The following FAR2 variants were observed in gnomAD, a reference collection of about 807,000 sequenced individuals.
FAR2 encodes the protein epididymis secretory protein Li 81.
In FAR2, 19 loss-of-function variants were observed where a neutral mutation model predicts 56.0. The observed-to-expected ratio is 0.34, with a 90% confidence interval of 0.24 to 0.50. The LOEUF (loss-of-function observed/expected upper bound fraction) is 0.50. Ranked by LOEUF, FAR2 falls within the 20% of genes least tolerant of loss-of-function variation. FAR2 has a pLI of 0.98. For synonymous variants in FAR2, 219 were observed against 218.8 expected, an observed-to-expected ratio of 1.00 and a Z score of -0.01; for missense variants, 508 against 642.2, an observed-to-expected ratio of 0.79 and a Z score of 2.26.
intron 1 of FAR2, among the ~76,000 whole-genome samples, chr12:29,262,194 T>A (rs150809289): frequency 6.6e-6 from 1 of 150,460 alleles, no homozygotes; most frequent in East Asian, 2.0e-4. Context: ...TTTTATTAGT[T>A]TTCTTTTTGT....
rs765241668 is a variant in FAR2, at chr12:29,333,679, C to T, written c.1433C>T (p.Ala478Val). The T allele has an allele frequency of 6.8e-6, 11 of 1,613,850 alleles. No individual in the cohort carries two copies. Among genetic ancestry groups the T allele is most frequent in the Admixed American group, 3.3e-5 (2 of 60,004 alleles). The change falls in exon 12 of 12, where the codon GCC becomes GTC. Residue 478 changes from alanine to valine, a missense_variant. Coordinates refer to ENST00000536681, the MANE Select transcript of FAR2 (RefSeq NM_001271783.2). ...TTTAATACTGCCCTCTTCCTTATCG[C>T]CTGGCGCCTTCTCATTGCAAGATCT... is the stretch of plus-strand genomic sequence containing the variant. ...YLFNTALFLI[A>V]WRLLIARSQM...
chr12:29,164,731 G>A (rs1949810827), intron 1 of FAR2, among the ~76,000 whole-genome samples: 1 of 152,320 alleles, frequency 6.6e-6, no homozygotes, highest in Non-Finnish European at 1.5e-5. Flanking sequence ...CTAGTTGCAT[G>A]ACTTTGACGA....
intron 1 of FAR2, among the ~76,000 whole-genome samples, chr12:29,211,419 T>C (rs748098340): frequency 1.3e-5 from 2 of 152,232 alleles, no homozygotes; most frequent in African/African-American, 2.4e-5. Flanking sequence ...GAAATGCATA[T>C]ACATTATTAT....
chr12:29,252,975 T>C (rs1422635247), intron 1 of FAR2, among the ~76,000 whole-genome samples: 1 of 152,090 alleles, frequency 6.6e-6, no homozygotes, highest in Non-Finnish European at 1.5e-5. Flanking sequence ...GTGGGCCTCA[T>C]CCAATCTGTT....
chr12:29,217,923 T>C (rs910334004), intron 1 of FAR2, among the ~76,000 whole-genome samples: 9 of 150,216 alleles, frequency 6.0e-5, no homozygotes, highest in African/African-American at 2.2e-4. Context: ...AAAAGAAACA[T>C]AAAATGAACT....
At chr12:29,264,291 A>C (rs1948474843) in intron 1 of FAR2, among the ~76,000 whole-genome samples, 1 of 152,056 alleles carries the variant, frequency 6.6e-6, no homozygotes, top group East Asian at 1.9e-4. Context: ...TGATAAAAAC[A>C]CTCAAAAAAC....
intron 1 of FAR2, among the ~76,000 whole-genome samples, chr12:29,198,993 G>A (rs555462836): frequency 6.6e-6 from 1 of 152,252 alleles, no homozygotes; most frequent in South Asian, 2.1e-4. Flanking sequence ...TGTTCTCAAT[G>A]TACTTAAAGT....
intron 10 of FAR2, 36 bp downstream of exon 10, chr12:29,321,960 C>T (rs1949560139): frequency 2.5e-6 from 4 of 1,580,960 alleles, no homozygotes; most frequent in Non-Finnish European, 3.4e-6. Flanking sequence ...CAGGAAAATG[C>T]TACTCACTTG....
intron 1 of FAR2, among the ~76,000 whole-genome samples, chr12:29,214,775 T>G (rs138230994): frequency 2.0e-5 from 3 of 151,714 alleles, no homozygotes; most frequent in African/African-American, 7.3e-5. Context: ...GAGCCAAGAT[T>G]GCACCATTGC....
intron 1 of FAR2, among the ~76,000 whole-genome samples, chr12:29,212,861 C>A (rs144497622): frequency 2.6e-3 from 403 of 152,278 alleles, no homozygotes; most frequent in African/African-American, 9.2e-3. Context: ...AGCTGAATGC[C>A]CTTGGGCATG....
At chr12:29,324,055 G>C (rs1339068436) in intron 10 of FAR2, among the ~76,000 whole-genome samples, 1 of 152,204 alleles carries the variant, frequency 6.6e-6, no homozygotes, top group African/African-American at 2.4e-5. Context: ...GTCCTTAAAG[G>C]AGCTGATGGA....
chr12:29,200,234 AGT>A (rs978226462), intron 1 of FAR2, among the ~76,000 whole-genome samples: 20 of 152,194 alleles, frequency 1.3e-4, no homozygotes, highest in Admixed American at 6.5e-4. Context: ...TGAAGATTAC[AGT>A]GTGAATGGTA....
chr12:29,198,583 A>G (rs1323585472), intron 1 of FAR2, among the ~76,000 whole-genome samples: 1 of 152,140 alleles, frequency 6.6e-6, no homozygotes, highest in East Asian at 1.9e-4. Flanking sequence ...GTTTATCAGT[A>G]ATGTTCATAG....
chr12:29,157,443 C>A (rs1330958948), intron 1 of FAR2, among the ~76,000 whole-genome samples: 1 of 151,906 alleles, frequency 6.6e-6, no homozygotes, highest in African/African-American at 2.4e-5. Context: ...AACATTGAAG[C>A]CCACACCTGA....
At position 29,316,968 on chromosome 12, in the gene FAR2, C is replaced by T; in HGVS notation, c.1083C>T (p.Ala361=). Reference sequence around the variant, plus strand: ...ATGCGGTCAGCCACCGGGCCCCTGCCATTATCTATGACTGCTATCTGCGGC... The same window carrying T: ...ATGCGGTCAGCCACCGGGCCCCTGCTATTATCTATGACTGCTATCTGCGGC... ...YWNAVSHRAP[A]IIYDCYLRLT... The change falls in exon 9 of 12, where the codon GCC becomes GCT. Residue 361 remains alanine (A), a synonymous_variant. Coordinates refer to ENST00000536681, the MANE Select transcript of FAR2 (RefSeq NM_001271783.2). The T allele has an allele frequency of 6.2e-7, 1 of 1,614,000 alleles. No individual in the cohort carries two copies. Among genetic ancestry groups the T allele is most frequent in the South Asian group, 1.1e-5 (1 of 91,066 alleles).
At chr12:29,245,272 G>A (rs1198246905) in intron 1 of FAR2, among the ~76,000 whole-genome samples, 1 of 152,160 alleles carries the variant, frequency 6.6e-6, no homozygotes, top group Non-Finnish European at 1.5e-5. Context: ...GAGCCACTGC[G>A]CCTGGCCCTG....
At chr12:29,237,314 A>G (rs181978048) in intron 1 of FAR2, among the ~76,000 whole-genome samples, 36 of 152,296 alleles carry the variant, frequency 2.4e-4, no homozygotes, top group Non-Finnish European at 4.4e-4. Context: ...TGCCTTTTTT[A>G]CTGTGTTGAT....
intron 1 of FAR2, among the ~76,000 whole-genome samples, chr12:29,217,922 A>G (rs985847487): frequency 6.6e-6 from 1 of 152,206 alleles, no homozygotes; most frequent in Non-Finnish European, 1.5e-5. Context: ...GAAAAGAAAC[A>G]TAAAATGAAC....
chr12:29,316,742 C>T, intron 8 of FAR2, 99 bp from the exon 9 acceptor site: 1 of 1,208,694 alleles, frequency 8.3e-7, no homozygotes. Flanking sequence ...CACAGCAAAT[C>T]CTTCGTCTTT....
Sources: allele counts gnomAD v4.1 joint callset (sites outside exome capture counted in the v4.1 genomes callset), GRCh38; gene constraint gnomAD v4.1.1; transcripts MANE v1.5; gene names NCBI Gene and HGNC (gene_info 2026-07-23, HGNC 2026-07-21).